Variants in OXSR1 observed in about 807,000 individuals in gnomAD.
OXSR1 encodes the protein oxidative stress responsive kinase 1.
In OXSR1, 24 loss-of-function variants were observed where a neutral mutation model predicts 79.8. The observed-to-expected ratio is 0.30, with a 90% confidence interval of 0.22 to 0.42. The LOEUF (loss-of-function observed/expected upper bound fraction) is 0.42. OXSR1 is among the 10% of genes least tolerant of loss of function. OXSR1 has a pLI of 1.00. For synonymous variants in OXSR1, 226 were observed against 209.2 expected, an observed-to-expected ratio of 1.08 and a Z score of -0.69; for missense variants, 430 against 618.4, an observed-to-expected ratio of 0.70 and a Z score of 3.23.
At chr3:38,237,027 TAAAATATAAAGAATA>T in intron 11 of OXSR1, 66 bp downstream of exon 11, 1 of 1,396,258 alleles carries the variant, frequency 7.2e-7, no homozygotes, top group Non-Finnish European at 9.8e-7. Flanking sequence ...CTTAACCAGC[TAAAATATAAAGAATA>T]CAATTGTAAC....
chr3:38,227,696 C>T (rs914472289), intron 8 of OXSR1, among the ~76,000 whole-genome samples: 3 of 151,982 alleles, frequency 2.0e-5, no homozygotes, highest in Non-Finnish European at 4.4e-5. Context: ...TGATGAAAGA[C>T]CTATATTCTC....
In OXSR1 at chr3:38,221,605, C is replaced by A; in HGVS notation, c.518C>A (p.Thr173Asn). Residue 173 changes from threonine (T) to asparagine (N), a missense_variant, in exon 6 of 18, where the codon ACT (threonine) becomes AAT (asparagine). By Grantham distance (65) the Thr-to-Asn change is moderately conservative (BLOSUM62 0). This residue lies in a region of OXSR1 where 145 missense variants were observed against 228.3 expected (regional missense o/e 0.64). Coordinates refer to ENST00000311806, the MANE Select transcript of OXSR1 (RefSeq NM_005109.3). ...TTTGGGGTTAGTGCTTTTTTAGCAA[C>A]TGGTGGTGATATTACCCGAAATAAA... is the stretch of plus-strand genomic sequence containing the variant. ...ADFGVSAFLA[T>N]GGDITRNKVR... is the part of the protein sequence containing the mutation. The A allele has an allele frequency of 6.2e-7, 1 of 1,612,298 alleles. No homozygotes were observed. Among genetic ancestry groups the A allele is most frequent in the Non-Finnish European group, 8.5e-7 (1 of 1,178,576 alleles).
chr3:38,209,120 C>T (rs1181596894), intron 4 of OXSR1, among the ~76,000 whole-genome samples: 3 of 151,782 alleles, frequency 2.0e-5, no homozygotes, highest in Non-Finnish European at 4.4e-5. Flanking sequence ...TTGTTAGTTA[C>T]TTTTCTGGGT....
At chr3:38,228,609 C>T (rs1231640464) in intron 8 of OXSR1, among the ~76,000 whole-genome samples, 1 of 152,156 alleles carries the variant, frequency 6.6e-6, no homozygotes, top group Non-Finnish European at 1.5e-5. Context: ...CTTGCTTTGT[C>T]GCCCAGGCTG....
At chr3:38,188,861 T>C (rs1334892042) in intron 2 of OXSR1, among the ~76,000 whole-genome samples, 1 of 152,202 alleles carries the variant, frequency 6.6e-6, no homozygotes, top group African/African-American at 2.4e-5. Context: ...ACTTCCCCTG[T>C]CAAGCTGTTT....
At chr3:38,198,687 A>C in intron 3 of OXSR1, 35 bp from the exon 4 acceptor site, 1 of 1,551,112 alleles carries the variant, frequency 6.4e-7, no homozygotes, top group Non-Finnish European at 8.9e-7. Context: ...TGAATGATTT[A>C]GAGATTTTTA....
chr3:38,193,245 T>C (rs763673674), intron 3 of OXSR1: 35 of 1,287,680 alleles, frequency 2.7e-5, no homozygotes, highest in Non-Finnish European at 3.2e-5. Context: ...TGCTTTTCAG[T>C]GTAGCCAGAA....
chr3:38,186,904 C>T (rs910017583), intron 2 of OXSR1, among the ~76,000 whole-genome samples: 3 of 152,156 alleles, frequency 2.0e-5, no homozygotes, highest in South Asian at 4.1e-4. Flanking sequence ...CCAAAGTAGC[C>T]GTACCATTTT....
rs141534203 is a variant in OXSR1, at chr3:38,190,626, A to G, written c.184-105A>G. The G allele has an allele frequency of 3.2e-4, 211 of 662,782 alleles. No homozygotes were observed. In the East Asian group the frequency reaches 5.4e-3, roughly 17 times the overall value. 41.1% of individuals were successfully genotyped at this position (662,782 alleles called of 1,614,324 possible). A position where few individuals can be genotyped will look rare whatever the true frequency, so the allele number is the denominator to read the frequency against. ...GAAATCAGAGCCATGGAGATCCCAG[A>G]AAGGTGTGACACAGTCTTGAGATTT... On this transcript the variant is annotated intron_variant, in intron 2 of 17. Coordinates refer to ENST00000311806, the MANE Select transcript of OXSR1 (RefSeq NM_005109.3).
At chr3:38,202,252 G>A (rs934805624) in intron 4 of OXSR1, among the ~76,000 whole-genome samples, 6 of 152,220 alleles carry the variant, frequency 3.9e-5, no homozygotes, top group Non-Finnish European at 7.3e-5. Context: ...AACTCAGGCA[G>A]GGATTGTCTC....
upstream of OXSR1, among the ~76,000 whole-genome samples, chr3:38,164,849 A>G (rs1431600777): frequency 1.3e-5 from 2 of 152,260 alleles, no homozygotes; most frequent in East Asian, 3.9e-4. Context: ...CAAGCGTTAG[A>G]GAGAACGTCC....
chr3:38,237,664 C>G (rs1192228322), intron 11 of OXSR1, among the ~76,000 whole-genome samples: 1 of 152,074 alleles, frequency 6.6e-6, no homozygotes, highest in East Asian at 1.9e-4. Flanking sequence ...TATTTGTTGA[C>G]CTTGTTTATC....
rs758030988 is a variant in OXSR1, at chr3:38,251,493, C to G, written c.1444+22C>G. On this transcript the variant is annotated intron_variant, in intron 16 of 17. Transcript: ENST00000311806. Reference sequence around the variant, plus strand: ...ATAGGTAACTCCATTGCGTTCTGCTCATGTGCTCCTGTGTCTCTGTCTGTA... The same window carrying G: ...ATAGGTAACTCCATTGCGTTCTGCTGATGTGCTCCTGTGTCTCTGTCTGTA... 5.0e-6 allele frequency: 8 copies of G among 1,585,316 alleles called. No individual in the cohort carries two copies. In the South Asian group the frequency reaches 5.5e-5, roughly 11 times the overall value.
intron 5 of OXSR1, among the ~76,000 whole-genome samples, chr3:38,219,899 G>C (rs1033332539): frequency 6.6e-6 from 1 of 151,964 alleles, no homozygotes; most frequent in Non-Finnish European, 1.5e-5. Flanking sequence ...CCTCAAACTC[G>C]TAGGCTCAAG....
intron 4 of OXSR1, among the ~76,000 whole-genome samples, chr3:38,199,955 G>T (rs1004977519): frequency 1.3e-5 from 2 of 152,210 alleles, no homozygotes; most frequent in Admixed American, 6.5e-5. Flanking sequence ...CTTCCCTTGG[G>T]CCCCTCTTTG....
In OXSR1 at chr3:38,221,697, C is replaced by A; in HGVS notation, c.600+10C>A. The A allele has an allele frequency of 2.0e-6, 3 of 1,530,968 alleles. No individual in the cohort carries two copies. The highest frequency in any genetic ancestry group is 2.7e-6 in the Non-Finnish European group (3 of 1,106,494). The allele number at this position is 1,530,968 out of a possible 1,614,324, so 94.8% of individuals were successfully genotyped here. A position where few individuals can be genotyped will look rare whatever the true frequency, so the allele number is the denominator to read the frequency against. On this transcript the variant is annotated intron_variant, in intron 6 of 17. Coordinates refer to ENST00000311806, the MANE Select transcript of OXSR1 (RefSeq NM_005109.3). ...TGAAGTTATGGAACAGGTACCGTGT[C>A]TTTTTTTCTGTTTTAAATGGGTTAG...
At chr3:38,230,914 A>G (rs1348693710) in intron 10 of OXSR1, among the ~76,000 whole-genome samples, 1 of 152,212 alleles carries the variant, frequency 6.6e-6, no homozygotes, top group African/African-American at 2.4e-5. Flanking sequence ...CCTGTCCATG[A>G]TACTTTTATG....
At position 38,247,708 on chromosome 3, in the gene OXSR1, C is replaced by T; in HGVS notation, c.1298C>T (p.Pro433Leu). 6.2e-7 allele frequency: 1 copy of T among 1,611,538 alleles called. No homozygotes were observed. Among genetic ancestry groups the T allele is most frequent in the Non-Finnish European group, 8.5e-7 (1 of 1,177,958 alleles). ...SGSGSQETKI[P>L]ISLVLRLRNS... ...TCAGGTTCACAAGAAACCAAGATCC[C>T]AATCAGTCTAGTACTAAGATTAAGG... Residue 433 changes from proline to leucine, a missense_variant, in exon 14 of 18, where the codon CCA becomes CTA. Coordinates refer to ENST00000311806, the MANE Select transcript of OXSR1 (RefSeq NM_005109.3).
At chr3:38,236,673 A>G (rs1357850785) in intron 10 of OXSR1, 166 bp from the exon 11 acceptor site, 1 of 513,602 alleles carries the variant, frequency 1.9e-6, no homozygotes, top group African/African-American at 1.9e-5. Context: ...GATTGTCAAC[A>G]GAGAGCAGGT....
Sources: allele counts gnomAD v4.1 joint callset (sites outside exome capture counted in the v4.1 genomes callset), GRCh38; gene constraint gnomAD v4.1.1; regional missense constraint gnomAD v4.1.1; transcripts MANE v1.5; gene names NCBI Gene and HGNC (gene_info 2026-07-23, HGNC 2026-07-21).